The following SEC16A variants were observed in gnomAD, a reference collection of about 807,000 sequenced individuals.
SEC16A encodes the protein protein transport protein Sec16A.
SEC16A carries 110 observed loss-of-function variants against 221.9 expected under a neutral mutation model. The observed-to-expected ratio is 0.50, with a 90% CI of 0.42 to 0.58. SEC16A has a LOEUF of 0.58. Among genes scored for constraint, SEC16A ranks in the 20% least tolerant of loss-of-function variants. The pLI is 0.00. For missense variants in SEC16A, 3,165 were observed against 3,097.8 expected (o/e 1.02, Z -0.52); for synonymous variants, 1,393 against 1,257.7 (o/e 1.11, Z -2.28).
intron 20 of SEC16A, 128 bp from the exon 21 acceptor site, chr9:136,454,455 C>G (rs1838321990): frequency 1.1e-6 from 1 of 907,260 alleles, no homozygotes; most frequent in Non-Finnish European, 1.8e-6. Context: ...TAAGGGAGGT[C>G]CAACAGAGCA....
At chr9:136,483,740 G>T, upstream of SEC16A, 1 of 985,486 alleles carries the variant, frequency 1.0e-6, no homozygotes, top group Non-Finnish European at 1.2e-6. Flanking sequence ...GCGGGGCCCT[G>T]ACGCGGGCGC....
chr9:136,444,884 A>T (rs1360890752), intron 30 of SEC16A, among the ~76,000 whole-genome samples, 168 bp downstream of exon 30: 1 of 150,804 alleles, frequency 6.6e-6, no homozygotes. Flanking sequence ...CGTCTCAAAA[A>T]AAAAAAAAAA....
intron 28 of SEC16A, among the ~76,000 whole-genome samples, chr9:136,446,104 G>GTTT (rs900305729): frequency 1.0e-4 from 14 of 135,100 alleles, no homozygotes; most frequent in South Asian, 2.4e-4. Flanking sequence ...GTCTGAGCTG[G>GTTT]TTTTTTTTTT....
chr9:136,462,894 C>A lies in SEC16A; in HGVS notation c.4886G>T (p.Arg1629Leu). The A allele has an allele frequency of 1.2e-6, 2 of 1,600,588 alleles. No homozygotes were observed. The highest frequency in any genetic ancestry group is 8.5e-7 in the Non-Finnish European group (1 of 1,179,734). Reference protein sequence around the residue: ...ERFRELLLYGRKKDALESAMK... With the variant: ...ERFRELLLYGLKKDALESAMK... Reference sequence around the variant, plus strand: ...CATGATGAGGAGGCGCACCTTCTTACGGCCATACAGCAACAGCTCCCTGAA... The same window carrying A: ...CATGATGAGGAGGCGCACCTTCTTAAGGCCATACAGCAACAGCTCCCTGAA... The change falls in exon 12 of 32, where the codon CGT becomes CTT. Residue 1629 changes from arginine to leucine, a missense_variant. Arg to Leu is a moderately radical substitution (Grantham distance 102, BLOSUM62 -2). Around this residue, in one of 3 missense-constraint regions of SEC16A, gnomAD observed 1,088 missense variants for 1,089.6 expected, o/e 1.00. Coordinates refer to ENST00000684901, the MANE Select transcript of SEC16A (RefSeq NM_014866.2).
chr9:136,454,415 A>C, intron 20 of SEC16A, 88 bp from the exon 21 acceptor site: 1 of 1,248,776 alleles, frequency 8.0e-7, no homozygotes, highest in South Asian at 1.3e-5. Context: ...TGTTTATGAC[A>C]AGTTATTTTG....
chr9:136,465,608 G>A (rs191099592), intron 8 of SEC16A, among the ~76,000 whole-genome samples: 9 of 152,368 alleles, frequency 5.9e-5, no homozygotes, highest in African/African-American at 2.2e-4. Flanking sequence ...CAGGAGCGGA[G>A]TCTCCAAGGG....
rs1202513192 is a variant in SEC16A, at chr9:136,445,036, C to G, written c.6927+16G>C. 1.9e-6 allele frequency: 3 copies of G among 1,600,582 alleles called. No individual in the cohort carries two copies. In the African/African-American group the frequency reaches 4.0e-5, roughly 21 times the overall value. On this transcript the variant is annotated intron_variant, in intron 30 of 31. Coordinates refer to ENST00000684901, the MANE Select transcript of SEC16A (RefSeq NM_014866.2). ...CGCCAGCTCTCATGTTAGTGAGGACCACCAGCCGCAGGTACCTGATTAAAA... is the reference window on the plus strand; with the variant it reads ...CGCCAGCTCTCATGTTAGTGAGGACGACCAGCCGCAGGTACCTGATTAAAA...
chr9:136,466,443 T>G lies in SEC16A; in HGVS notation c.3949A>C (p.Asn1317His). 1 of 1,606,342 alleles carries G rather than the reference T, an allele frequency of 6.2e-7. No individual in the cohort carries two copies. Among genetic ancestry groups the G allele is most frequent in the Non-Finnish European group, 8.5e-7 (1 of 1,176,498 alleles). ...GTGAAGCGAGGATCGTACCTCCAGT[T>G]GTTGTCACGTTTCTCGGGCCTAGAG... is the stretch of plus-strand genomic sequence containing the variant. ...FGDRPEKRDN[N>H]WRYDPRFTGS... The change falls in exon 7 of 32, where the codon AAC becomes CAC. Residue 1317 changes from asparagine to histidine, a missense_variant. Around this residue, in one of 3 missense-constraint regions of SEC16A, gnomAD observed 2,030 missense variants for 1,923.1 expected, o/e 1.06. Transcript: ENST00000684901. The surrounding 1 kb of genome is among the most constrained non-coding windows in gnomAD (Gnocchi z 5.5).
At chr9:136,457,323 T>G (rs911534859) in intron 18 of SEC16A, 121 bp downstream of exon 18, 12 of 1,130,722 alleles carry the variant, frequency 1.1e-5, no homozygotes, top group Non-Finnish European at 1.2e-5. Flanking sequence ...AAGAGGCAGG[T>G]TCTGAGCGCC....
At chr9:136,473,893 A>G (rs1841238306) in intron 3 of SEC16A, among the ~76,000 whole-genome samples, 156 bp downstream of exon 3, 1 of 152,256 alleles carries the variant, frequency 6.6e-6, no homozygotes, top group Non-Finnish European at 1.5e-5. Context: ...CCCTGTCCTC[A>G]GGAAGCGTTA....
Position 136,482,976 on chromosome 9 carries a change from A to C in SEC16A, c.-230T>G. On this transcript the variant is annotated 5_prime_UTR_variant, in exon 1 of 32. Transcript: ENST00000684901. ...ACCGATCCCTCAGGAGCCGCGGGCG[A>C]AAGCCCACCCGACGCTGGCGACGAG... 5 of 984,778 alleles carry C rather than the reference A, an allele frequency of 5.1e-6. No homozygotes were observed. The highest frequency in any genetic ancestry group is 6.0e-6 in the Non-Finnish European group (5 of 829,732). 61.0% of individuals were successfully genotyped at this position (984,778 alleles called of 1,614,324 possible).
Position 136,447,809 on chromosome 9 carries a change from C to T in SEC16A, c.6447+44G>A, listed in dbSNP as rs988405237. Reference sequence around the variant, plus strand: ...ACAGGGCCACATGAGGCTGTTCCCTCCACTCACACCTCACACCCAACAGGA... The same window carrying T: ...ACAGGGCCACATGAGGCTGTTCCCTTCACTCACACCTCACACCCAACAGGA... On this transcript the variant is annotated intron_variant, in intron 25 of 31. Coordinates refer to ENST00000684901, the MANE Select transcript of SEC16A (RefSeq NM_014866.2). This position sits in a 1 kb window ranked among gnomAD's most constrained non-coding sequence, Gnocchi z 5.5. 8.2e-6 allele frequency: 13 copies of T among 1,580,946 alleles called. No individual in the cohort carries two copies. Among genetic ancestry groups the T allele is most frequent in the Admixed American group, 3.5e-5 (2 of 56,972 alleles).
chr9:136,444,328 C>T (rs1326892149), intron 30 of SEC16A, among the ~76,000 whole-genome samples: 2 of 151,856 alleles, frequency 1.3e-5, no homozygotes, highest in African/African-American at 2.4e-5. Context: ...ATGAAGCGTT[C>T]GTTCACCTCC....
Position 136,447,857 on chromosome 9 carries a change from T to A in SEC16A, c.6443A>T (p.Glu2148Val). ...GGAACTAGAATGACAATTTACCTCC[T>A]CTTCTGGCTCATTTAAATTCACCCA... The part of the protein sequence containing the change: ...NQWVNLNEPE[E>V]EKKAPPPPPT... Residue 2148 changes from glutamate to valine, a missense_variant, in exon 25 of 32, where the codon GAG (glutamate) becomes GTG (valine). Physicochemically the swap from Glu to Val is moderately radical, Grantham distance 121 (BLOSUM62 -2). Coordinates refer to ENST00000684901, the MANE Select transcript of SEC16A (RefSeq NM_014866.2). The surrounding 1 kb of genome is among the most constrained non-coding windows in gnomAD (Gnocchi z 5.5). 1 of 1,609,464 alleles carries A rather than the reference T, an allele frequency of 6.2e-7. No individual in the cohort carries two copies. The highest frequency in any genetic ancestry group is 1.7e-5 in the Admixed American group (1 of 59,214).
chr9:136,471,366 C>T (rs1341953076), intron 4 of SEC16A, among the ~76,000 whole-genome samples: 3 of 151,940 alleles, frequency 2.0e-5, no homozygotes, highest in South Asian at 2.1e-4. Context: ...CCCAGCTCCT[C>T]GGGAGGTTGA....
upstream of SEC16A, chr9:136,483,822 G>A: frequency 4.1e-6 from 4 of 984,564 alleles, no homozygotes; most frequent in Non-Finnish European, 4.8e-6. Flanking sequence ...CGCCGGGAGC[G>A]GCCGGAGCTG....
At position 136,475,773 on chromosome 9, in the gene SEC16A, T is replaced by C. The variant is rs1841543219; in HGVS notation, c.1843A>G (p.Lys615Glu). The C allele has an allele frequency of 6.3e-7, 1 of 1,598,838 alleles. No homozygotes were observed. The highest frequency in any genetic ancestry group is 8.5e-7 in the Non-Finnish European group (1 of 1,172,408). Reference sequence around the variant, plus strand: ...GGTTTTACCCCAACTAAGTGAGATTTTACCGGTTCGAAAGAACTATTTGCA... The same window carrying C: ...GGTTTTACCCCAACTAAGTGAGATTCTACCGGTTCGAAAGAACTATTTGCA... ...TSANSSFEPV[K>E]SHLVGVKPFE... Residue 615 changes from lysine to glutamate, a missense_variant, in exon 3 of 32, where the codon AAA becomes GAA. Transcript: ENST00000684901. This position sits in a 1 kb window ranked among gnomAD's most constrained non-coding sequence, Gnocchi z 5.0.
Position 136,457,597 on chromosome 9 carries a change from A to T in SEC16A, c.5410-13T>A. 1.9e-6 allele frequency: 3 copies of T among 1,605,254 alleles called. No individual in the cohort carries two copies. Among genetic ancestry groups the T allele is most frequent in the Non-Finnish European group, 2.6e-6 (3 of 1,174,754 alleles). ...TGAACTTAAACACCTGAAACGACAG[A>T]AGCCTTGCTGCCCTGCGGCTCCCCC... On this transcript the variant is annotated splice_polypyrimidine_tract_variant and intron_variant, in intron 17 of 31. Transcript: ENST00000684901.
At position 136,464,427 on chromosome 9, in the gene SEC16A, C is replaced by A. The variant is rs1839897747; in HGVS notation, c.4439G>T (p.Ser1480Ile). 2 of 1,610,342 alleles carry A rather than the reference C, an allele frequency of 1.2e-6. No individual in the cohort carries two copies. Among genetic ancestry groups the A allele is most frequent in the Admixed American group, 1.7e-5 (1 of 59,910 alleles). The change falls in exon 9 of 32, where the codon AGC (serine) becomes ATC (isoleucine). Residue 1480 changes from serine (S) to isoleucine (I), a missense_variant. Coordinates refer to ENST00000684901, the MANE Select transcript of SEC16A (RefSeq NM_014866.2). ...TTCTGCGTGTGCCATTACCTCCATG[C>A]TGTGGACCTCCACCAAGGCCGGCTG... Reference protein sequence around the residue: ...EGQPALVEVHSMEALLQHTSE... With the variant: ...EGQPALVEVHIMEALLQHTSE...
Sources: allele counts gnomAD v4.1 joint callset (sites outside exome capture counted in the v4.1 genomes callset), GRCh38; gene constraint gnomAD v4.1.1; regional missense constraint gnomAD v4.1.1; non-coding constraint Gnocchi (gnomAD v3.1); transcripts MANE v1.5; gene names NCBI Gene and HGNC (gene_info 2026-07-23, HGNC 2026-07-21).